Variants in PARD3B observed in about 807,000 individuals in gnomAD.
The protein encoded by PARD3B is par-3 family cell polarity regulator beta.
In PARD3B, 103 loss-of-function variants were observed where a neutral mutation model predicts 130.2. The ratio of observed to expected loss-of-function variants is 0.79; its 90% CI spans 0.67 to 0.93. The LOEUF (loss-of-function observed/expected upper bound fraction) is 0.93, where lower values mean the gene tolerates loss of function less well. Among genes scored for constraint, PARD3B ranks in the 40% least tolerant of loss-of-function variants. The probability of loss-of-function intolerance (pLI) is 0.00; values close to 1 mark genes in which losing one functional copy is unlikely to be tolerated. For synonymous variants in PARD3B, 583 were observed against 553.2 expected, an observed-to-expected ratio of 1.05 and a Z score of -0.76; for missense variants, 1,609 against 1,499.2, an observed-to-expected ratio of 1.07 and a Z score of -1.21.
chr2:204,746,323 A>G (rs1372021515), intron 2 of PARD3B, among the ~76,000 whole-genome samples: 1 of 151,802 alleles, frequency 6.6e-6, no homozygotes, highest in Non-Finnish European at 1.5e-5. Flanking sequence ...ATCATTTTTT[A>G]TGGCTGCATA....
chr2:205,350,848 G>A (rs1436366593), intron 18 of PARD3B, among the ~76,000 whole-genome samples: 2 of 151,998 alleles, frequency 1.3e-5, no homozygotes, highest in African/African-American at 2.4e-5. Flanking sequence ...TACCCATTTT[G>A]TTTGGTTTCC....
At chr2:205,608,728 A>G (rs73062231) in intron 22 of PARD3B, among the ~76,000 whole-genome samples, 3,595 of 152,320 alleles carry the variant, frequency 0.024, 137 homozygotes, top group African/African-American at 0.08. Context: ...ACTGTCATAC[A>G]GAATCCAAAA....
At chr2:205,172,750 A>G (rs890698214) in intron 12 of PARD3B, among the ~76,000 whole-genome samples, 1 of 152,232 alleles carries the variant, frequency 6.6e-6, no homozygotes, top group African/African-American at 2.4e-5. Flanking sequence ...ATTGTAATGC[A>G]GTCAGCTCTC....
intron 13 of PARD3B, among the ~76,000 whole-genome samples, chr2:205,178,752 G>A (rs1050876021): frequency 1.3e-5 from 2 of 152,108 alleles, no homozygotes; most frequent in African/African-American, 4.8e-5. Context: ...TGTTTTTAAT[G>A]TCTATAAAAT....
intron 20 of PARD3B, among the ~76,000 whole-genome samples, chr2:205,493,545 TAA>T (rs1166890398): frequency 1.3e-5 from 2 of 151,954 alleles, no homozygotes; most frequent in Admixed American, 1.3e-4. Flanking sequence ...CATAAAAAAT[TAA>T]AGACTCTGTA....
At chr2:205,302,137 C>T (rs1394092473) in intron 18 of PARD3B, among the ~76,000 whole-genome samples, 3 of 123,828 alleles carry the variant, frequency 2.4e-5, no homozygotes, top group Non-Finnish European at 4.7e-5. Flanking sequence ...GGCGTGATCT[C>T]GGCTCACTGC....
chr2:205,380,605 T>TATATAAGGA (rs2045335632), intron 18 of PARD3B, among the ~76,000 whole-genome samples: 1 of 34,656 alleles, frequency 2.9e-5, no homozygotes. Context: ...ATATAAAGAA[T>TATATAAGGA]ATATATTATA....
chr2:205,403,842 G>A lies in PARD3B; in HGVS notation c.2741+2719G>A, dbSNP rs1344492086. On this transcript the variant is annotated intron_variant, in intron 19 of 22. Coordinates refer to ENST00000406610, the MANE Select transcript of PARD3B (RefSeq NM_001302769.2). ...GATTTTTTTCTCAAAAGGACTGAGT[G>A]GCCCAGTCTACAAATATTTTCCTTG... Among the ~76,000 whole-genome samples, 4 of 152,106 alleles carry A rather than the reference G, an allele frequency of 2.6e-5. 1 individual carries two copies. Among genetic ancestry groups the A allele is most frequent in the Non-Finnish European group, 5.9e-5 (4 of 68,026 alleles).
intron 2 of PARD3B, among the ~76,000 whole-genome samples, chr2:204,771,245 T>C (rs1317464278): frequency 6.6e-6 from 1 of 151,992 alleles, no homozygotes; most frequent in African/African-American, 2.4e-5. Context: ...AGTTCCTCAG[T>C]TGGAGTGTGT....
At chr2:204,972,639 A>G (rs1345754870) in intron 3 of PARD3B, among the ~76,000 whole-genome samples, 1 of 152,192 alleles carries the variant, frequency 6.6e-6, no homozygotes, top group Admixed American at 6.5e-5. Flanking sequence ...AACCAAAAAT[A>G]TAAGACAGTA....
chr2:204,878,785 G>T (rs1575195181), intron 2 of PARD3B, among the ~76,000 whole-genome samples: 1 of 152,164 alleles, frequency 6.6e-6, no homozygotes, highest in South Asian at 2.1e-4. Context: ...GGTATATCAG[G>T]ATTAAGAGCA....
chr2:205,000,274 A>T (rs1350081282), intron 3 of PARD3B, among the ~76,000 whole-genome samples: 2 of 152,168 alleles, frequency 1.3e-5, no homozygotes, highest in Non-Finnish European at 2.9e-5. Flanking sequence ...TTGTTAAATT[A>T]TGTTTTCAGT....
intron 1 of PARD3B, among the ~76,000 whole-genome samples, chr2:204,626,470 G>A (rs1329746920): frequency 2.6e-5 from 4 of 151,800 alleles, no homozygotes; most frequent in Non-Finnish European, 2.9e-5. Flanking sequence ...GCTATTTGGA[G>A]TACCCATGAA....
At chr2:204,787,890 G>A (rs1449132498) in intron 2 of PARD3B, among the ~76,000 whole-genome samples, 1 of 152,192 alleles carries the variant, frequency 6.6e-6, no homozygotes, top group South Asian at 2.1e-4. Context: ...TCATGGCAGA[G>A]TGTGGCTATT....
chr2:205,063,868 A>G (rs1039968316), intron 4 of PARD3B, among the ~76,000 whole-genome samples: 2 of 152,196 alleles, frequency 1.3e-5, no homozygotes, highest in East Asian at 1.9e-4. Flanking sequence ...TATTCTACCA[A>G]CTGACATACA....
chr2:205,047,559 C>T (rs1194540361), intron 3 of PARD3B, 22 bp from the exon 4 acceptor site: 28 of 1,508,878 alleles, frequency 1.9e-5, no homozygotes, highest in African/African-American at 2.8e-5. Context: ...TTTGACCTCT[C>T]ACCTCTCACT....
chr2:204,717,390 G>A (rs1193332280), intron 2 of PARD3B, among the ~76,000 whole-genome samples: 2 of 152,100 alleles, frequency 1.3e-5, no homozygotes, highest in Non-Finnish European at 2.9e-5. Context: ...CAAATGCTAG[G>A]TAAGAAAATG....
chr2:205,283,662 C>G (rs1384916369), intron 16 of PARD3B, among the ~76,000 whole-genome samples: 1 of 152,130 alleles, frequency 6.6e-6, no homozygotes, highest in Non-Finnish European at 1.5e-5. Flanking sequence ...ATATCACACT[C>G]CTCCTATTGA....
At chr2:205,500,530 C>A (rs963194399) in intron 21 of PARD3B, among the ~76,000 whole-genome samples, 10 of 152,060 alleles carry the variant, frequency 6.6e-5, no homozygotes, top group Admixed American at 1.3e-4. Flanking sequence ...TTAGAGGATT[C>A]TTTTTGCTCA....
Sources: gnomAD v4.1 joint callset for allele counts (sites outside exome capture counted in the v4.1 genomes callset) on GRCh38, gnomAD v4.1.1 for gene constraint, MANE v1.5 for transcripts, NCBI Gene and HGNC (gene_info 2026-07-23, HGNC 2026-07-21) for gene names.